CSMD1: variants seen among roughly 807,000 people sequenced by gnomAD.
CSMD1 encodes the protein CUB and Sushi multiple domains 1.
A neutral mutation model predicts 417.5 loss-of-function variants in CSMD1; 213 were observed. That is an observed-to-expected ratio of 0.51 (90% CI 0.46 to 0.57). The LOEUF (loss-of-function observed/expected upper bound fraction) is 0.57, where lower values mean the gene tolerates loss of function less well. Ranked by LOEUF, CSMD1 falls within the 20% of genes least tolerant of loss-of-function variation. CSMD1 has a pLI of 0.00. For synonymous variants in CSMD1, 2,862 were observed against 1,736.8 expected (o/e 1.65, Z -16.11); for missense variants, 6,923 against 4,529.7 (o/e 1.53, Z -15.17).
At chr8:4,182,091 G>A (rs529733569) in intron 3 of CSMD1, among the ~76,000 whole-genome samples, 18 of 151,768 alleles carry the variant, frequency 1.2e-4, no homozygotes, top group African/African-American at 4.1e-4. Context: ...AAACCTACCT[G>A]AATAGCATTT....
intron 49 of CSMD1, among the ~76,000 whole-genome samples, chr8:3,075,232 T>C (rs1025201148): frequency 6.6e-6 from 1 of 151,760 alleles, no homozygotes; most frequent in African/African-American, 2.4e-5. Flanking sequence ...CTTTTCTTTA[T>C]AAATTACCCA....
chr8:4,196,754 A>G (rs1422381882), intron 3 of CSMD1, among the ~76,000 whole-genome samples: 4 of 152,118 alleles, frequency 2.6e-5, no homozygotes, highest in Non-Finnish European at 5.9e-5. Flanking sequence ...AAGACCCTTT[A>G]TCTTATCTGT....
rs538161377 is a variant in CSMD1 at position 4,348,804 on chromosome 8, T to C, written c.415+71149A>G. ...CTTTCTTTCAATCCCTTAACCCATT[T>C]ATTCTTCCAAGACCCAGTTAAATCA... On this transcript the variant is annotated intron_variant, in intron 3 of 69. Transcript: ENST00000635120. Among the ~76,000 whole-genome samples, 64 of 152,334 alleles carry C rather than the reference T, an allele frequency of 4.2e-4. 1 individual carries two copies. Among genetic ancestry groups the C allele is most frequent in the African/African-American group, 1.3e-3 (55 of 41,582 alleles).
intron 7 of CSMD1, among the ~76,000 whole-genome samples, chr8:3,697,771 C>G (rs149058807): frequency 1.7e-4 from 26 of 152,116 alleles, no homozygotes; most frequent in Admixed American, 3.3e-4. Flanking sequence ...TTACAATGCA[C>G]TTCTAAAAAG....
intron 30 of CSMD1, among the ~76,000 whole-genome samples, chr8:3,206,103 G>C (rs1797237345): frequency 6.6e-6 from 1 of 152,046 alleles, no homozygotes; most frequent in African/African-American, 2.4e-5. Context: ...TATAGTTTCA[G>C]TAAAAGCAAC....
chr8:4,891,441 T>A (rs1468244977), intron 1 of CSMD1, among the ~76,000 whole-genome samples: 1 of 152,178 alleles, frequency 6.6e-6, no homozygotes, highest in Non-Finnish European at 1.5e-5. Flanking sequence ...CTACTGTGTG[T>A]GAACCTAATT....
At chr8:4,278,006 C>G (rs1796581272) in intron 3 of CSMD1, among the ~76,000 whole-genome samples, 1 of 152,158 alleles carries the variant, frequency 6.6e-6, no homozygotes, top group Admixed American at 6.6e-5. Context: ...CTTGCCCTCC[C>G]AAAGTGCTGG....
chr8:3,677,527 G>C (rs115420847), intron 7 of CSMD1, among the ~76,000 whole-genome samples: 4,373 of 152,258 alleles, frequency 0.029, 233 homozygotes, highest in African/African-American at 0.099. Context: ...GGTGTCCCCA[G>C]GGTGGCTGGG....
intron 1 of CSMD1, among the ~76,000 whole-genome samples, chr8:4,923,821 G>A (rs894342266): frequency 6.6e-6 from 1 of 152,046 alleles, no homozygotes; most frequent in South Asian, 2.1e-4. Flanking sequence ...CCAATAATGA[G>A]TTTTCAATAA....
rs556883447 is a variant in CSMD1, at chr8:4,636,418, T to C, written c.302+924A>G. 3.8e-4 allele frequency among the ~76,000 whole-genome samples: 58 copies of C among 152,288 alleles called. No individual in the cohort carries two copies. In the South Asian group the frequency reaches 5.0e-3, roughly 13 times the overall value. The stretch of plus-strand genomic sequence containing the variant: ...TTACGAATAGATTGTACCATTATTG[T>C]CTAAACCACAAATTCTCCAAAGAAT... On this transcript the variant is annotated intron_variant, in intron 2 of 69. Transcript: ENST00000635120.
At chr8:3,325,162 T>G (rs955001911) in intron 23 of CSMD1, among the ~76,000 whole-genome samples, 11 of 152,220 alleles carry the variant, frequency 7.2e-5, no homozygotes, top group African/African-American at 2.4e-4. Flanking sequence ...GCATGACCTG[T>G]GACCCCTTAC....
chr8:3,206,953 G>C lies in CSMD1; in HGVS notation c.4868-1333C>G, dbSNP rs182367992. On this transcript the variant is annotated intron_variant, in intron 30 of 69. Transcript: ENST00000635120. Reference sequence around the variant, plus strand: ...CAGCTCCCCTCATCTGTTTAACATAGGGCAATGACCAGCGTGGGAGCCACT... The same window carrying C: ...CAGCTCCCCTCATCTGTTTAACATACGGCAATGACCAGCGTGGGAGCCACT... Among the ~76,000 whole-genome samples, 75 of 151,990 alleles carry C rather than the reference G, an allele frequency of 4.9e-4. No individual in the cohort carries two copies. In the East Asian group the frequency reaches 0.011, roughly 22 times the overall value.
Position 3,796,291 on chromosome 8 carries a change from T to TATATCTATCATGTATAGATATAG in CSMD1, c.819-42272_819-42250dup, listed in dbSNP as rs1382396967. Among the ~76,000 whole-genome samples, 23 of 24,916 alleles carry TATATCTATCATGTATAGATATAG rather than the reference T, an allele frequency of 9.2e-4. 5 individuals carry two copies. In the South Asian group the frequency reaches 0.016, roughly 17 times the overall value. 16.3% of individuals were successfully genotyped at this position (24,916 alleles called of 152,430 possible). ...TAGATATATATCTATCATGTATAGATATATCTATCATGTATAGATATAGAT... is the reference window on the plus strand; with the variant it reads ...TAGATATATATCTATCATGTATAGATATATCTATCATGTATAGATATAGATATCTATCATGTATAGATATAGAT... On this transcript the variant is annotated intron_variant, in intron 5 of 69. Transcript: ENST00000635120.
intron 6 of CSMD1, among the ~76,000 whole-genome samples, chr8:3,732,270 C>T (rs118079271): frequency 1.5e-3 from 225 of 152,260 alleles, no homozygotes; most frequent in Non-Finnish European, 2.5e-3. Context: ...ACAAAGCTGC[C>T]CTCTTTAGAA....
chr8:4,806,287 G>A (rs936631435), intron 1 of CSMD1, among the ~76,000 whole-genome samples: 1 of 152,094 alleles, frequency 6.6e-6, no homozygotes, highest in African/African-American at 2.4e-5. Context: ...CCCAAGTCCC[G>A]CTACACCCTA....
chr8:4,554,957 G>A (rs115122001), intron 2 of CSMD1, among the ~76,000 whole-genome samples: 2,379 of 152,278 alleles, frequency 0.016, 68 homozygotes, highest in African/African-American at 0.055. Context: ...AGTAAGCCAA[G>A]CCTGCTGGAG....
intron 7 of CSMD1, among the ~76,000 whole-genome samples, chr8:3,632,565 A>G (rs1328797637): frequency 6.6e-6 from 1 of 152,218 alleles, no homozygotes; most frequent in Admixed American, 6.5e-5. Context: ...TCTTTTTTAA[A>G]AAATTGCATA....
At chr8:3,590,749 C>T (rs1297717780) in intron 8 of CSMD1, among the ~76,000 whole-genome samples, 2 of 152,146 alleles carry the variant, frequency 1.3e-5, no homozygotes, top group East Asian at 1.9e-4. Context: ...GCCATTCCAG[C>T]AGCACAGCCG....
intron 1 of CSMD1, among the ~76,000 whole-genome samples, chr8:4,778,430 A>G (rs987298458): frequency 3.3e-5 from 5 of 152,190 alleles, no homozygotes; most frequent in Non-Finnish European, 7.3e-5. Flanking sequence ...GGTAATTTGA[A>G]GTACCTGGAC....
Sources: allele counts gnomAD v4.1 joint callset (sites outside exome capture counted in the v4.1 genomes callset), GRCh38; gene constraint gnomAD v4.1.1; transcripts MANE v1.5; gene names NCBI Gene and HGNC (gene_info 2026-07-23, HGNC 2026-07-21).